FBXO4: variants seen among roughly 807,000 people sequenced by gnomAD.
FBXO4 encodes F-box only protein 4.
FBXO4 carries 36 observed loss-of-function variants against 43.7 expected under a neutral mutation model. The ratio of observed to expected loss-of-function variants is 0.82; its 90% CI spans 0.63 to 1.09. The LOEUF is 1.09. FBXO4 is among the 50% of genes least tolerant of loss of function. FBXO4 has a pLI of 0.00. For missense variants in FBXO4, 435 were observed against 474.1 expected, an observed-to-expected ratio of 0.92 and a Z score of 0.77; for synonymous variants, 180 against 165.6, an observed-to-expected ratio of 1.09 and a Z score of -0.67.
At chr5:42,035,771 A>AGTGAAAGTCCTTTAT in the FBXO4 span, among the ~76,000 whole-genome samples, 1 of 152,142 alleles carries the variant, frequency 6.6e-6, no homozygotes, top group African/African-American at 2.4e-5. Context: ...TTTGGTATGC[A>AGTGAAAGTCCTTTAT]GTGAAAGTCC....
the FBXO4 span, among the ~76,000 whole-genome samples, chr5:41,977,807 T>C: frequency 6.6e-6 from 1 of 152,188 alleles, no homozygotes; most frequent in Non-Finnish European, 1.5e-5. Context: ...TCCAAACTTT[T>C]CCTCATCTTC....
chr5:41,974,623 T>C, the FBXO4 span, among the ~76,000 whole-genome samples: 1 of 152,236 alleles, frequency 6.6e-6, no homozygotes, highest in Non-Finnish European at 1.5e-5. Context: ...ATTCTTTTTT[T>C]TTCCATCCTT....
chr5:42,035,367 G>A, the FBXO4 span, among the ~76,000 whole-genome samples: 15 of 152,198 alleles, frequency 9.9e-5, no homozygotes, highest in East Asian at 2.1e-3. Flanking sequence ...ATGTTGTATA[G>A]GAGTGGTGAG....
At chr5:41,979,814 C>CT in the FBXO4 span, among the ~76,000 whole-genome samples, 1 of 152,178 alleles carries the variant, frequency 6.6e-6, no homozygotes, top group African/African-American at 2.4e-5. Context: ...CATCCTTCTG[C>CT]TAAAGTGTAT....
the FBXO4 span, among the ~76,000 whole-genome samples, chr5:42,023,322 C>G: frequency 3.3e-5 from 5 of 152,018 alleles, no homozygotes; most frequent in African/African-American, 1.2e-4. Context: ...GTGGAATCTG[C>G]TAATTTTTTC....
chr5:41,929,296 C>T (rs1451347533), intron 2 of FBXO4, among the ~76,000 whole-genome samples: 1 of 152,192 alleles, frequency 6.6e-6, no homozygotes, highest in Non-Finnish European at 1.5e-5. Flanking sequence ...TCTCCCCTCC[C>T]CAGTTGTGAC....
At chr5:41,983,278 A>T in the FBXO4 span, among the ~76,000 whole-genome samples, 1 of 152,204 alleles carries the variant, frequency 6.6e-6, no homozygotes, top group Non-Finnish European at 1.5e-5. Context: ...TATTGTCTAT[A>T]TGATACAAAT....
chr5:42,006,914 A>ATATATATGTATG, the FBXO4 span, among the ~76,000 whole-genome samples: 2 of 141,500 alleles, frequency 1.4e-5, no homozygotes, highest in African/African-American at 5.3e-5. Context: ...ATATATATAT[A>ATATATATGTATG]TATGTATATA....
At chr5:41,927,275 AAGAAGCT>A in intron 2 of FBXO4, 27 bp downstream of exon 2, 1 of 1,500,508 alleles carries the variant, frequency 6.7e-7, no homozygotes, top group Non-Finnish European at 9.0e-7. Flanking sequence ...ATGAATTAAA[AAGAAGCT>A]ATTAAATTTT....
intron 5 of FBXO4, among the ~76,000 whole-genome samples, chr5:41,937,442 T>TA (rs1751878599): frequency 6.6e-6 from 1 of 152,204 alleles, no homozygotes; most frequent in East Asian, 1.9e-4. Flanking sequence ...AAGGCAATGT[T>TA]AAGACTTTTT....
chr5:41,996,991 G>A, the FBXO4 span, among the ~76,000 whole-genome samples: 26,698 of 152,232 alleles, frequency 0.18, 2,531 homozygotes, highest in Middle Eastern at 0.3. Flanking sequence ...AACGAAAAGT[G>A]ATCAAGTTCT....
the FBXO4 span, among the ~76,000 whole-genome samples, chr5:42,031,533 A>C: frequency 6.6e-6 from 1 of 151,924 alleles, no homozygotes; most frequent in Non-Finnish European, 1.5e-5. Context: ...TGGGTGCAGC[A>C]CACCAACATG....
At chr5:41,996,943 C>T in the FBXO4 span, among the ~76,000 whole-genome samples, 12 of 152,170 alleles carry the variant, frequency 7.9e-5, no homozygotes, top group African/African-American at 1.7e-4. Flanking sequence ...ATCAGCATAA[C>T]GTCATCAATG....
chr5:41,995,673 T>C, the FBXO4 span, among the ~76,000 whole-genome samples: 1 of 152,192 alleles, frequency 6.6e-6, no homozygotes. Context: ...GGTCACCCAT[T>C]GATGAGTACT....
At chr5:41,992,933 C>A in the FBXO4 span, among the ~76,000 whole-genome samples, 8 of 152,162 alleles carry the variant, frequency 5.3e-5, no homozygotes, top group African/African-American at 1.9e-4. Flanking sequence ...TAAATGCATT[C>A]TTCAACTGTA....
intron 5 of FBXO4, 57 bp downstream of exon 5, chr5:41,934,365 A>C (rs762349955): frequency 1.4e-5 from 22 of 1,608,454 alleles, no homozygotes; most frequent in Non-Finnish European, 1.7e-5. Flanking sequence ...CAAATGGAAA[A>C]TACCTTTTTA....
chr5:41,975,655 T>C, the FBXO4 span, among the ~76,000 whole-genome samples: 961 of 152,334 alleles, frequency 6.3e-3, 6 homozygotes, highest in Non-Finnish European at 0.011. Flanking sequence ...TTTATTATTA[T>C]TAGCTTTTAA....
intron 3 of FBXO4, chr5:41,930,259 A>G (rs1012206871): frequency 2.7e-5 from 5 of 183,056 alleles, no homozygotes; most frequent in African/African-American, 1.2e-4. Flanking sequence ...TTTGATATGT[A>G]TTGGAATTCA....
At chr5:42,018,968 A>C in the FBXO4 span, among the ~76,000 whole-genome samples, 1 of 152,196 alleles carries the variant, frequency 6.6e-6, no homozygotes, top group Non-Finnish European at 1.5e-5. Context: ...TGGTGAACAG[A>C]GCGAAGGGAA....
Sources: gnomAD v4.1 joint callset for allele counts (sites outside exome capture counted in the v4.1 genomes callset) on GRCh38, gnomAD v4.1.1 for gene constraint, MANE v1.5 for transcripts, NCBI Gene and HGNC (gene_info 2026-07-23, HGNC 2026-07-21) for gene names.